The following AOC3 variants were observed in gnomAD, a reference collection of about 807,000 sequenced individuals.
The protein encoded by AOC3 is amine oxidase [copper-containing] 3.
A neutral mutation model predicts 55.4 loss-of-function variants in AOC3; 47 were observed. The observed-to-expected ratio is 0.85, with a 90% CI of 0.67 to 1.08. AOC3 has a LOEUF of 1.08. AOC3 is among the 50% of genes least tolerant of loss of function. The probability of loss-of-function intolerance (pLI) is 0.00; values close to 1 mark genes in which losing one functional copy is unlikely to be tolerated. For missense variants in AOC3, 853 were observed against 993.1 expected (o/e 0.86, Z 1.90); for synonymous variants, 386 against 410.7 (o/e 0.94, Z 0.73).
intron 2 of AOC3, 112 bp from the exon 3 acceptor site, chr17:42,855,332 T>A: frequency 1.4e-6 from 2 of 1,419,932 alleles, no homozygotes; most frequent in Non-Finnish European, 1.9e-6. Context: ...GCCGAGTCAG[T>A]TGTGTGACTG....
rs376088513 is a variant in AOC3 at position 42,852,138 on chromosome 17, C to T, written c.795C>T (p.Phe265=). ...DPARWTIQKV[F]YQGRYYDSLA... is the part of the protein sequence containing the mutation. The stretch of plus-strand genomic sequence containing the variant: ...CCCGCTGGACTATCCAGAAGGTGTT[C>T]TATCAAGGCCGCTACTACGACAGCC... The change falls in exon 1 of 4, where the codon TTC becomes TTT. Residue 265 remains phenylalanine, a synonymous_variant. Coordinates refer to ENST00000308423, the MANE Select transcript of AOC3 (RefSeq NM_003734.4). The T allele has an allele frequency of 7.4e-6, 12 of 1,613,814 alleles. No individual in the cohort carries two copies. In the African/African-American group the frequency reaches 1.6e-4, roughly 22 times the overall value.
In AOC3 at chr17:42,852,687, C is replaced by G. The variant is rs2055690932; in HGVS notation, c.1344C>G (p.Tyr448Ter). 1.9e-6 allele frequency: 3 copies of G among 1,614,126 alleles called. No individual in the cohort carries two copies. The highest frequency in any genetic ancestry group is 1.7e-6 in the Non-Finnish European group (2 of 1,180,058). The change falls in exon 1 of 4, where the codon TAC (tyrosine) becomes TAG (stop). Residue 448 changes from tyrosine to a stop codon, truncating the protein, a stop_gained. Transcript: ENST00000308423. LOFTEE classifies it high-confidence loss of function. ...TGCGGCGACACCACTCAGATCTCTACTCGCACTACTTTGGGGGTCTTGCGG... is the reference window on the plus strand; with the variant it reads ...TGCGGCGACACCACTCAGATCTCTAGTCGCACTACTTTGGGGGTCTTGCGG... ...LPLRRHHSDLYSHYFGGLAET... is the reference protein window; with the variant it reads ...LPLRRHHSDL
rs1267032169 is a variant in AOC3, at chr17:42,852,758, A to C, written c.1415A>C (p.Asp472Ala). The change falls in exon 1 of 4, where the codon GAC becomes GCC. Residue 472 changes from aspartate (D) to alanine (A), a missense_variant. By Grantham distance (126) the Asp-to-Ala change is moderately radical. Coordinates refer to ENST00000308423, the MANE Select transcript of AOC3 (RefSeq NM_003734.4). ...VRSMSTLLNY[D>A]YVWDTVFHPS... ...TCTATGTCCACCTTGCTCAACTATG[A>C]CTATGTGTGGGATACGGTCTTCCAC... 5.0e-6 allele frequency: 8 copies of C among 1,614,076 alleles called. No homozygotes were observed. Among genetic ancestry groups the C allele is most frequent in the Non-Finnish European group, 6.8e-6 (8 of 1,179,970 alleles).
Position 42,851,411 on chromosome 17 carries a change from T to G in AOC3, c.68T>G (p.Val23Gly). 1.2e-6 allele frequency: 2 copies of G among 1,614,044 alleles called. No individual in the cohort carries two copies. Among genetic ancestry groups the G allele is most frequent in the Non-Finnish European group, 1.7e-6 (2 of 1,179,934 alleles). Residue 23 changes from valine (V) to glycine (G), a missense_variant, in exon 1 of 4, where the codon GTC becomes GGC. Val to Gly is a moderately radical substitution (Grantham distance 109). Transcript: ENST00000308423. Reference protein sequence around the residue: ...AVITIFALVCVLLVGRGGDGG... With the variant: ...AVITIFALVCGLLVGRGGDGG... The stretch of plus-strand genomic sequence containing the variant: ...ATCACCATCTTTGCCTTGGTTTGTG[T>G]CCTGCTGGTGGGCAGGGGTGGAGAT...
chr17:42,851,292 G>A lies in AOC3; in HGVS notation c.-52G>A. ...AACAGAGCCCCCGTCTTGCTGGCGT[G>A]AGAATACATTGCTCTCCTTTGGTTG... is the stretch of plus-strand genomic sequence containing the variant. On this transcript the variant is annotated 5_prime_UTR_variant, in exon 1 of 4. Coordinates refer to ENST00000308423, the MANE Select transcript of AOC3 (RefSeq NM_003734.4). The A allele has an allele frequency of 6.5e-7, 1 of 1,535,834 alleles. No individual in the cohort carries two copies. The highest frequency in any genetic ancestry group is 1.4e-5 in the African/African-American group (1 of 72,816).
intron 1 of AOC3, among the ~76,000 whole-genome samples, chr17:42,853,751 C>T (rs183633294): frequency 1.1e-4 from 17 of 152,304 alleles, no homozygotes; most frequent in Non-Finnish European, 2.2e-4. Context: ...CCCAGAGGGC[C>T]TCCCATCCAC....
At chr17:42,853,242 T>C in intron 1 of AOC3, 1 of 1,211,312 alleles carries the variant, frequency 8.3e-7, no homozygotes, top group Non-Finnish European at 1.0e-6. Context: ...CTCTCCCTTG[T>C]ACTTATATGG....
At position 42,851,852 on chromosome 17, in the gene AOC3, C is replaced by T. The variant is rs548556780; in HGVS notation, c.509C>T (p.Pro170Leu). Reference sequence around the variant, plus strand: ...GGCCCCCTGCCCTATCACCGACGCCCCGTGCTGTTCCAAGAGTACCTGGAC... The same window carrying T: ...GGCCCCCTGCCCTATCACCGACGCCTCGTGCTGTTCCAAGAGTACCTGGAC... ...HGGPLPYHRR[P>L]VLFQEYLDID... is the part of the protein sequence containing the mutation. Residue 170 changes from proline (P) to leucine (L), a missense_variant, in exon 1 of 4, where the codon CCC becomes CTC. Pro to Leu is a moderately conservative substitution (Grantham distance 98). Coordinates refer to ENST00000308423, the MANE Select transcript of AOC3 (RefSeq NM_003734.4). The T allele has an allele frequency of 2.5e-6, 4 of 1,613,664 alleles. No homozygotes were observed. In the South Asian group the frequency reaches 4.4e-5, roughly 18 times the overall value.
In AOC3 at chr17:42,854,709, T is replaced by C; in HGVS notation, c.1862T>C (p.Met621Thr). Reference protein sequence around the residue: ...AGEPLPQNSSMARGFSWERYQ... With the variant: ...AGEPLPQNSSTARGFSWERYQ... ...GAGCCGCTGCCCCAAAACAGCTCCA[T>C]GGCGAGAGGCTTCAGCTGGGAGAGG... Residue 621 changes from methionine to threonine, a missense_variant, in exon 2 of 4, where the codon ATG becomes ACG. By Grantham distance (81) the Met-to-Thr change is moderately conservative (BLOSUM62 -1). Coordinates refer to ENST00000308423, the MANE Select transcript of AOC3 (RefSeq NM_003734.4). The C allele has an allele frequency of 6.7e-7, 1 of 1,486,482 alleles. No homozygotes were observed. The allele number at this position is 1,486,482 out of a possible 1,614,324, so 92.1% of individuals were successfully genotyped here.
chr17:42,856,139 A>T, intron 3 of AOC3, 136 bp from the exon 4 acceptor site: 1 of 1,056,336 alleles, frequency 9.5e-7, no homozygotes. Flanking sequence ...GAAATGGACT[A>T]CTTATGCTTT....
In AOC3 at chr17:42,856,906, T is replaced by G; in HGVS notation, c.*356T>G. 1.1e-5 allele frequency: 3 copies of G among 281,712 alleles called. No individual in the cohort carries two copies. Among genetic ancestry groups the G allele is most frequent in the Non-Finnish European group, 1.3e-5 (2 of 148,518 alleles). The allele number at this position is 281,712 out of a possible 1,614,324, so 17.5% of individuals were successfully genotyped here. A position where few individuals can be genotyped will look rare whatever the true frequency, so the allele number is the denominator to read the frequency against. ...CTCCAAGGACTCTAAAAGGGGGCTA[T>G]TCCCTGGAGACCCCAGAGTAGGGTT... On this transcript the variant is annotated 3_prime_UTR_variant, in exon 4 of 4. Coordinates refer to ENST00000308423, the MANE Select transcript of AOC3 (RefSeq NM_003734.4).
chr17:42,855,642 C>A, intron 3 of AOC3, 69 bp downstream of exon 3: 2 of 1,602,552 alleles, frequency 1.2e-6, no homozygotes, highest in South Asian at 1.1e-5. Context: ...TGAAAACCAC[C>A]TGCACTTCTC....
intron 1 of AOC3, chr17:42,854,166 T>C: frequency 3.5e-6 from 1 of 281,858 alleles, no homozygotes; most frequent in African/African-American, 2.2e-5. Context: ...GTAAGGATGA[T>C]CATTCATCTC....
rs756177101 is a variant in AOC3 at position 42,852,474 on chromosome 17, A to G, written c.1131A>G (p.Pro377=). 1.9e-6 allele frequency: 3 copies of G among 1,614,112 alleles called. No homozygotes were observed. In the African/African-American group the frequency reaches 4.0e-5, roughly 22 times the overall value. ...EALAIYGGNS[P]AAMTTRYVDG... is the part of the protein sequence containing the mutation. Reference sequence around the variant, plus strand: ...TGGCCATCTATGGTGGAAATTCCCCAGCAGCAATGACGACCCGCTATGTGG... The same window carrying G: ...TGGCCATCTATGGTGGAAATTCCCCGGCAGCAATGACGACCCGCTATGTGG... Residue 377 remains proline, a synonymous_variant, in exon 1 of 4, where the codon CCA becomes CCG. Coordinates refer to ENST00000308423, the MANE Select transcript of AOC3 (RefSeq NM_003734.4).
In AOC3 at chr17:42,851,548, A is replaced by G. The variant is rs201046118; in HGVS notation, c.205A>G (p.Thr69Ala). ...TGCAGACCTGAGCCGAGAGGAGCTG[A>G]CGGCTGTGATGCGCTTTCTGACCCA... ...LFADLSREEL[T>A]AVMRFLTQRL... is the part of the protein sequence containing the mutation. Residue 69 changes from threonine (T) to alanine (A), a missense_variant, in exon 1 of 4, where the codon ACG becomes GCG. Transcript: ENST00000308423. 1 of 1,613,902 alleles carries G rather than the reference A, an allele frequency of 6.2e-7. No individual in the cohort carries two copies. Among genetic ancestry groups the G allele is most frequent in the East Asian group, 2.2e-5 (1 of 44,870 alleles).
chr17:42,851,849 G>C lies in AOC3; in HGVS notation c.506G>C (p.Arg169Pro). 6.2e-7 allele frequency: 1 copy of C among 1,613,616 alleles called. No homozygotes were observed. The highest frequency in any genetic ancestry group is 8.5e-7 in the Non-Finnish European group (1 of 1,180,044). The change falls in exon 1 of 4, where the codon CGC (arginine) becomes CCC (proline). Residue 169 changes from arginine to proline, a missense_variant. By Grantham distance (103) the Arg-to-Pro change is moderately radical (BLOSUM62 -2). Transcript: ENST00000308423. ...RHGGPLPYHR[R>P]PVLFQEYLDI... is the part of the protein sequence containing the mutation. ...GGAGGCCCCCTGCCCTATCACCGAC[G>C]CCCCGTGCTGTTCCAAGAGTACCTG...
At position 42,852,564 on chromosome 17, in the gene AOC3, G is replaced by A; in HGVS notation, c.1221G>A (p.Leu407=). 2 of 1,614,214 alleles carry A rather than the reference G, an allele frequency of 1.2e-6. No individual in the cohort carries two copies. The highest frequency in any genetic ancestry group is 1.7e-6 in the Non-Finnish European group (2 of 1,180,026). ...PLTRGVDCPY[L]ATYVDWHFLL... Reference sequence around the variant, plus strand: ...CCCGTGGGGTGGACTGCCCCTACTTGGCCACCTACGTGGACTGGCACTTCC... The same window carrying A: ...CCCGTGGGGTGGACTGCCCCTACTTAGCCACCTACGTGGACTGGCACTTCC... Residue 407 remains leucine, a synonymous_variant, in exon 1 of 4, where the codon TTG becomes TTA. Coordinates refer to ENST00000308423, the MANE Select transcript of AOC3 (RefSeq NM_003734.4).
In AOC3 at chr17:42,852,818, C is replaced by T. The variant is rs578013869; in HGVS notation, c.1475C>T (p.Thr492Met). 25 of 1,613,926 alleles carry T rather than the reference C, an allele frequency of 1.5e-5. No individual in the cohort carries two copies. The highest frequency in any genetic ancestry group is 2.2e-5 in the East Asian group (1 of 44,886). Residue 492 changes from threonine (T) to methionine (M), a missense_variant, in exon 1 of 4, where the codon ACG (threonine) becomes ATG (methionine). By Grantham distance (81) the Thr-to-Met change is moderately conservative. Coordinates refer to ENST00000308423, the MANE Select transcript of AOC3 (RefSeq NM_003734.4). ...SGAIEIRFYATGYISSAFLFG... is the reference protein window; with the variant it reads ...SGAIEIRFYAMGYISSAFLFG... ...GCCATAGAAATACGATTCTATGCCA[C>T]GGGCTACATCAGCTCGGCATTCCTC...
chr17:42,855,035 T>C (rs8081908), intron 2 of AOC3, among the ~76,000 whole-genome samples: 9,886 of 151,850 alleles, frequency 0.065, 1,063 homozygotes, highest in African/African-American at 0.22. Flanking sequence ...TTAGTAGAGA[T>C]AGGGTTTCAC....
Sources: allele counts gnomAD v4.1 joint callset (sites outside exome capture counted in the v4.1 genomes callset), GRCh38; gene constraint gnomAD v4.1.1; transcripts MANE v1.5; gene names NCBI Gene and HGNC (gene_info 2026-07-23, HGNC 2026-07-21).